Variants in TEAD4 observed in about 807,000 individuals in gnomAD.
TEAD4 encodes TEA domain transcription factor 4, also known as transcriptional enhancer factor TEF-3.
TEAD4 carries 36 observed loss-of-function variants against 52.4 expected under a neutral mutation model. The observed-to-expected ratio is 0.69, with a 90% CI of 0.53 to 0.91. TEAD4 has a LOEUF of 0.91. Among genes scored for constraint, TEAD4 ranks in the 40% least tolerant of loss-of-function variants. The pLI is 0.00. For missense variants in TEAD4, 508 were observed against 583.9 expected, an observed-to-expected ratio of 0.87 and a Z score of 1.34; for synonymous variants, 220 against 231.0, an observed-to-expected ratio of 0.95 and a Z score of 0.43.
intron 2 of TEAD4, among the ~76,000 whole-genome samples, chr12:2,972,982 G>T (rs2098226531): frequency 6.6e-6 from 1 of 152,110 alleles, no homozygotes; most frequent in Non-Finnish European, 1.5e-5. Flanking sequence ...CCATGCATTG[G>T]CCCCTTGGAG....
In TEAD4 at chr12:3,040,638, A is replaced by G; in HGVS notation, c.*160A>G. ...ACTGTGCCTGAACCTGAGGTGCCCA[A>G]CCCCAAATAAACCCAAGATGCTGTG... On this transcript the variant is annotated 3_prime_UTR_variant, in exon 13 of 13. Transcript: ENST00000359864. 3.1e-6 allele frequency: 2 copies of G among 646,338 alleles called. No homozygotes were observed. Among genetic ancestry groups the G allele is most frequent in the Admixed American group, 2.7e-5 (1 of 36,938 alleles). The allele number at this position is 646,338 out of a possible 1,614,324, so 40.0% of individuals were successfully genotyped here.
At chr12:2,968,227 C>T (rs967048618) in intron 2 of TEAD4, among the ~76,000 whole-genome samples, 5 of 151,452 alleles carry the variant, frequency 3.3e-5, no homozygotes, top group African/African-American at 4.9e-5. Flanking sequence ...GCTGGAATTA[C>T]GGGCATTTGC....
At chr12:3,005,365 C>T (rs1053621361) in intron 3 of TEAD4, among the ~76,000 whole-genome samples, 1 of 152,226 alleles carries the variant, frequency 6.6e-6, no homozygotes, top group Non-Finnish European at 1.5e-5. Context: ...GTGATCACAG[C>T]TCACTGCAGC....
At chr12:2,978,680 G>A (rs1366295725) in intron 2 of TEAD4, among the ~76,000 whole-genome samples, 5 of 151,006 alleles carry the variant, frequency 3.3e-5, no homozygotes, top group Admixed American at 2.6e-4. Flanking sequence ...CTGGGATTAC[G>A]GGTGTGAACC....
intron 4 of TEAD4, among the ~76,000 whole-genome samples, chr12:3,011,279 G>A (rs1187637958): frequency 6.6e-6 from 1 of 152,108 alleles, no homozygotes; most frequent in African/African-American, 2.4e-5. Flanking sequence ...TGCCCAGACT[G>A]GAGTACAATG....
chr12:3,018,541 T>C lies in TEAD4; in HGVS notation c.484-4T>C, dbSNP rs1322507134. Reference sequence around the variant, plus strand: ...TGCTGATTCCATGCCTTTTGCCTCCTCAGTTTTGGCAAGGAGCTTTGCCAG... The same window carrying C: ...TGCTGATTCCATGCCTTTTGCCTCCCCAGTTTTGGCAAGGAGCTTTGCCAG... On this transcript the variant is annotated splice_region_variant and splice_polypyrimidine_tract_variant and intron_variant, in intron 6 of 12. Transcript: ENST00000359864. 3 of 1,613,932 alleles carry C rather than the reference T, an allele frequency of 1.9e-6. No individual in the cohort carries two copies. Among genetic ancestry groups the C allele is most frequent in the Non-Finnish European group, 2.5e-6 (3 of 1,179,958 alleles).
At chr12:2,996,792 T>G (rs1028886619) in intron 3 of TEAD4, among the ~76,000 whole-genome samples, 7 of 152,168 alleles carry the variant, frequency 4.6e-5, no homozygotes, top group African/African-American at 1.7e-4. Context: ...CTCGGCTCAC[T>G]GCAGCCTCCG....
At chr12:2,979,342 T>A (rs1221706650) in intron 2 of TEAD4, among the ~76,000 whole-genome samples, 1 of 152,248 alleles carries the variant, frequency 6.6e-6, no homozygotes, top group Non-Finnish European at 1.5e-5. Flanking sequence ...TTTGACATTC[T>A]GTGCTCAGGA....
intron 3 of TEAD4, among the ~76,000 whole-genome samples, chr12:3,008,978 C>G (rs2098258074): frequency 6.6e-6 from 1 of 152,212 alleles, no homozygotes. Flanking sequence ...AGTCTCTGAG[C>G]TGGGTTACTT....
chr12:3,019,767 G>T (rs926573589), intron 8 of TEAD4, among the ~76,000 whole-genome samples: 1 of 152,190 alleles, frequency 6.6e-6, no homozygotes, highest in Admixed American at 6.5e-5. Context: ...CTGCCTGCCC[G>T]GCCCCTTGGC....
At chr12:2,968,385 CTTT>C (rs61672018) in intron 2 of TEAD4, among the ~76,000 whole-genome samples, 3 of 55,062 alleles carry the variant, frequency 5.4e-5, no homozygotes, top group South Asian at 1.2e-3. Flanking sequence ...CGCGCCCGGC[CTTT>C]TTTTTTTTTT....
At chr12:2,973,287 G>C (rs548245784) in intron 2 of TEAD4, among the ~76,000 whole-genome samples, 2 of 152,150 alleles carry the variant, frequency 1.3e-5, no homozygotes, top group Admixed American at 1.3e-4. Context: ...GCCTAGGCTG[G>C]TCTTGAACTC....
chr12:2,978,655 C>T lies in TEAD4; in HGVS notation c.-29-16083C>T, dbSNP rs138092926. Among the ~76,000 whole-genome samples the T allele has an allele frequency of 3.3e-3, 503 of 152,104 alleles. 2 individuals carry two copies. The highest frequency in any genetic ancestry group is 0.011 in the African/African-American group (450 of 41,516). ...CTGACCTCAGGTGATCCACCTGCCT[C>T]GGCCTCCCAGAGTGCTGGGATTACG... is the stretch of plus-strand genomic sequence containing the variant. On this transcript the variant is annotated intron_variant, in intron 2 of 12. Transcript: ENST00000359864.
intron 10 of TEAD4, among the ~76,000 whole-genome samples, chr12:3,033,196 C>T (rs559179901): frequency 6.6e-6 from 1 of 152,310 alleles, no homozygotes; most frequent in African/African-American, 2.4e-5. Flanking sequence ...CTGCCTGTCC[C>T]CTGAGTTACT....
At position 2,971,158 on chromosome 12, in the gene TEAD4, C is replaced by T. The variant is rs144297621; in HGVS notation, c.-30+11118C>T. 3.3e-5 allele frequency among the ~76,000 whole-genome samples: 5 copies of T among 152,306 alleles called. No homozygotes were observed. The East Asian group carries it at 9.7e-4, about 29-fold the overall frequency. On this transcript the variant is annotated intron_variant, in intron 2 of 12. Transcript: ENST00000359864. ...CTCATGGAACTTGCAGGGAAATGGA[C>T]TGTGAAGCTAGCAGTAACATACTGC...
intron 5 of TEAD4, among the ~76,000 whole-genome samples, chr12:3,013,265 T>C (rs75491064): frequency 9.0e-6 from 1 of 110,906 alleles, no homozygotes; most frequent in Middle Eastern, 4.1e-3. Flanking sequence ...AAACATTTTT[T>C]TTTTTTTTTT....
In TEAD4 at chr12:3,017,532, T is replaced by C; in HGVS notation, c.483+6T>C. On this transcript the variant is annotated splice_donor_region_variant and intron_variant, in intron 6 of 12. Coordinates refer to ENST00000359864, the MANE Select transcript of TEAD4 (RefSeq NM_003213.4). ...GCCGCCCAGCAGTCTCAGGGGTAAGTGGGCTGCCGAGAGCTGGAGGCCAGG... is the reference window on the plus strand; with the variant it reads ...GCCGCCCAGCAGTCTCAGGGGTAAGCGGGCTGCCGAGAGCTGGAGGCCAGG... 6.2e-7 allele frequency: 1 copy of C among 1,611,376 alleles called. No homozygotes were observed.
intron 2 of TEAD4, among the ~76,000 whole-genome samples, chr12:2,966,613 A>C (rs918827390): frequency 1.3e-5 from 2 of 151,588 alleles, no homozygotes; most frequent in African/African-American, 4.9e-5. Flanking sequence ...GGGTTTCACC[A>C]TATTGGTCAG....
intron 5 of TEAD4, among the ~76,000 whole-genome samples, chr12:3,016,530 A>G (rs747764403): frequency 6.6e-6 from 1 of 151,694 alleles, no homozygotes; most frequent in Non-Finnish European, 1.5e-5. Flanking sequence ...ATTTGAGCCC[A>G]GGAGTTTGAG....
Sources: gnomAD v4.1 joint callset for allele counts (sites outside exome capture counted in the v4.1 genomes callset) on GRCh38, gnomAD v4.1.1 for gene constraint, MANE v1.5 for transcripts, NCBI Gene and HGNC (gene_info 2026-07-23, HGNC 2026-07-21) for gene names.